ANXA13: variants seen among roughly 807,000 people sequenced by gnomAD.
ANXA13 encodes annexin XIII.
Under a neutral mutation model 46.6 loss-of-function variants are expected in ANXA13, and 36 were observed. That is an observed-to-expected ratio of 0.77 (90% CI 0.59 to 1.02). The LOEUF is 1.02. ANXA13 is among the 50% of genes least tolerant of loss of function. The pLI, the probability that ANXA13 is intolerant of heterozygous loss-of-function variation, is 0.00. For missense variants in ANXA13, 417 were observed against 396.5 expected, an observed-to-expected ratio of 1.05 and a Z score of -0.44; for synonymous variants, 163 against 152.9, an observed-to-expected ratio of 1.07 and a Z score of -0.49.
chr8:123,737,245 C>A, intron 1 of ANXA13, 75 bp downstream of exon 1: 2 of 1,367,194 alleles, frequency 1.5e-6, no homozygotes, highest in South Asian at 2.4e-5. Context: ...AAGTATCAGT[C>A]ATGATTTTAT....
At chr8:123,686,168 T>C (rs1262829615) in intron 9 of ANXA13, among the ~76,000 whole-genome samples, 1 of 152,134 alleles carries the variant, frequency 6.6e-6, no homozygotes, top group African/African-American at 2.4e-5. Context: ...CCAAAGAAGA[T>C]GTGGAATAAA....
At chr8:123,718,518 G>T (rs578261150) in intron 1 of ANXA13, among the ~76,000 whole-genome samples, 6 of 152,280 alleles carry the variant, frequency 3.9e-5, no homozygotes, top group South Asian at 4.1e-4. Context: ...TTCTGTTGAG[G>T]TGCTGGCCAT....
intron 4 of ANXA13, among the ~76,000 whole-genome samples, chr8:123,697,363 CG>C (rs1563608733): frequency 6.6e-6 from 1 of 152,118 alleles, no homozygotes; most frequent in East Asian, 1.9e-4. Flanking sequence ...CTCACACTCC[CG>C]GGGGGCCTGT....
intron 9 of ANXA13, 129 bp downstream of exon 9, chr8:123,688,742 G>T: frequency 1.3e-6 from 1 of 764,640 alleles, no homozygotes; most frequent in East Asian, 2.6e-5. Context: ...TCTCTCTCTT[G>T]CTCAGTGCTG....
At chr8:123,698,009 G>A (rs1813374288) in intron 4 of ANXA13, among the ~76,000 whole-genome samples, 1 of 152,176 alleles carries the variant, frequency 6.6e-6, no homozygotes, top group Non-Finnish European at 1.5e-5. Flanking sequence ...TATGCTAGCT[G>A]ACCGCCATAG....
At chr8:123,706,132 G>A (rs1021443285) in intron 2 of ANXA13, among the ~76,000 whole-genome samples, 1 of 152,172 alleles carries the variant, frequency 6.6e-6, no homozygotes, top group Non-Finnish European at 1.5e-5. Context: ...TGCCTGCCTG[G>A]TGCTGGCTTG....
intron 8 of ANXA13, among the ~76,000 whole-genome samples, chr8:123,691,012 T>C (rs1161499629): frequency 6.6e-6 from 1 of 152,216 alleles, no homozygotes; most frequent in Non-Finnish European, 1.5e-5. Flanking sequence ...GCTATATAAG[T>C]CTTTCATATT....
chr8:123,701,862 A>G (rs536311259), intron 3 of ANXA13, among the ~76,000 whole-genome samples: 1 of 152,324 alleles, frequency 6.6e-6, no homozygotes, highest in Non-Finnish European at 1.5e-5. Flanking sequence ...TCTCCCAGCA[A>G]CCTGAGAAGG....
intron 1 of ANXA13, among the ~76,000 whole-genome samples, chr8:123,730,557 A>C (rs1814097776): frequency 6.6e-6 from 1 of 151,988 alleles, no homozygotes; most frequent in African/African-American, 2.4e-5. Context: ...ACTCATGTCT[A>C]CTCACAGCCG....
chr8:123,726,612 C>T (rs975175129), intron 1 of ANXA13, among the ~76,000 whole-genome samples: 1 of 152,234 alleles, frequency 6.6e-6, no homozygotes, highest in Non-Finnish European at 1.5e-5. Context: ...AATCCAGCAG[C>T]CCAGCAGCCT....
chr8:123,725,206 A>G (rs979691683), intron 1 of ANXA13, among the ~76,000 whole-genome samples: 11 of 152,214 alleles, frequency 7.2e-5, no homozygotes, highest in Non-Finnish European at 1.5e-4. Flanking sequence ...TATATTAAAA[A>G]GTGCGTATTT....
intron 1 of ANXA13, among the ~76,000 whole-genome samples, chr8:123,724,738 T>C (rs947340219): frequency 6.6e-6 from 1 of 152,226 alleles, no homozygotes; most frequent in African/African-American, 2.4e-5. Flanking sequence ...TAAAATTCTC[T>C]CCCAACTCTT....
chr8:123,707,646 G>A (rs937336146), intron 2 of ANXA13, among the ~76,000 whole-genome samples: 1 of 152,104 alleles, frequency 6.6e-6, no homozygotes, highest in Non-Finnish European at 1.5e-5. Flanking sequence ...GTTGAACAAT[G>A]AGAACACATG....
chr8:123,732,749 C>T (rs1814147934), intron 1 of ANXA13, among the ~76,000 whole-genome samples: 1 of 151,888 alleles, frequency 6.6e-6, no homozygotes. Context: ...AATGTAGCTA[C>T]CCTTCAGAGA....
intron 9 of ANXA13, among the ~76,000 whole-genome samples, chr8:123,686,242 G>A (rs1251207338): frequency 6.6e-6 from 1 of 152,118 alleles, no homozygotes; most frequent in Admixed American, 6.5e-5. Context: ...GGAGGCCGAG[G>A]TGGGTGGATC....
Position 123,688,806 on chromosome 8 carries a change from C to A in ANXA13, c.718+65G>T, listed in dbSNP as rs376108146. On this transcript the variant is annotated intron_variant, in intron 9 of 10. Transcript: ENST00000419625. ...TCCCTCAAATCTTCCTACACACAAA[C>A]CTCTGTCTGAGTCTGGTTCCAGGCA... 195 of 1,443,752 alleles carry A rather than the reference C, an allele frequency of 1.4e-4. 5 individuals are homozygous for A. The South Asian group carries it at 2.1e-3, about 15-fold the overall frequency. The allele number at this position is 1,443,752 out of a possible 1,614,324, so 89.4% of individuals were successfully genotyped here.
At chr8:123,705,401 C>T (rs11774189) in intron 2 of ANXA13, among the ~76,000 whole-genome samples, 45,102 of 152,064 alleles carry the variant, frequency 0.3, 7,038 homozygotes, top group Middle Eastern at 0.36. Context: ...CGAGACTTCC[C>T]GCAGTTTGGT....
chr8:123,731,657 G>A (rs1814120241), intron 1 of ANXA13, among the ~76,000 whole-genome samples: 1 of 152,012 alleles, frequency 6.6e-6, no homozygotes, highest in Non-Finnish European at 1.5e-5. Context: ...GAGGATTCTT[G>A]AGCCCCGGAG....
chr8:123,732,668 G>GT (rs901711417), intron 1 of ANXA13, among the ~76,000 whole-genome samples: 183 of 147,024 alleles, frequency 1.2e-3, no homozygotes, highest in South Asian at 2.1e-3. Flanking sequence ...ACAATGGCTG[G>GT]TTTGTTTTTT....
Sources: gnomAD v4.1 joint callset for allele counts (sites outside exome capture counted in the v4.1 genomes callset) on GRCh38, gnomAD v4.1.1 for gene constraint, MANE v1.5 for transcripts, NCBI Gene and HGNC (gene_info 2026-07-23, HGNC 2026-07-21) for gene names.